FBH1: variants seen among roughly 807,000 people sequenced by gnomAD.
FBH1 encodes the protein DNA 3'-5' helicase 1.
FBH1 carries 43 observed loss-of-function variants against 115.5 expected under a neutral mutation model. That is an observed-to-expected ratio of 0.37 (90% CI 0.29 to 0.48). The LOEUF is 0.48. FBH1 is among the 20% of genes least tolerant of loss of function. The pLI, the probability that FBH1 is intolerant of heterozygous loss-of-function variation, is 0.99. For synonymous variants in FBH1, 524 were observed against 507.8 expected, an observed-to-expected ratio of 1.03 and a Z score of -0.43; for missense variants, 1,001 against 1,337.3, an observed-to-expected ratio of 0.75 and a Z score of 3.92.
At chr10:5,926,564 T>G (rs1171295622) in intron 18 of FBH1, among the ~76,000 whole-genome samples, 1 of 152,232 alleles carries the variant, frequency 6.6e-6, no homozygotes, top group African/African-American at 2.4e-5. Flanking sequence ...AACTGTGGAC[T>G]GGAAATTTGG....
intron 13 of FBH1, among the ~76,000 whole-genome samples, chr10:5,919,115 T>C (rs1410707673): frequency 1.3e-5 from 2 of 152,354 alleles, no homozygotes; most frequent in African/African-American, 4.8e-5. Context: ...AAATGGAACA[T>C]GGTGCCACTC....
At chr10:5,930,504 C>T (rs894194751) in intron 19 of FBH1, among the ~76,000 whole-genome samples, 11 of 152,186 alleles carry the variant, frequency 7.2e-5, no homozygotes, top group Non-Finnish European at 1.3e-4. Context: ...GGAAGTTAGC[C>T]GTAGAGGCTT....
At position 5,923,605 on chromosome 10, in the gene FBH1, C is replaced by T. The variant is rs768330002; in HGVS notation, c.2323-16C>T. 6.2e-7 allele frequency: 1 copy of T among 1,602,158 alleles called. No individual in the cohort carries two copies. On this transcript the variant is annotated splice_polypyrimidine_tract_variant and intron_variant, in intron 15 of 20. Transcript: ENST00000362091. The surrounding 1 kb of genome is among the most constrained non-coding windows in gnomAD (Gnocchi z 5.7). ...AACAACAAAAAAACAAAAATCCCAC[C>T]AAAAAACTTTTTCAGGGGATTAAAT...
chr10:5,922,186 G>T (rs550999800), intron 15 of FBH1, among the ~76,000 whole-genome samples: 1 of 152,308 alleles, frequency 6.6e-6, no homozygotes, highest in South Asian at 2.1e-4. Context: ...GAATATAGTA[G>T]TGAATCATAA....
rs1229331017 is a variant in FBH1, at chr10:5,913,743, G to T, written c.1212-4G>T. ...CTTTCTAAATCTACTTTTTTTTCTG[G>T]TAGGATTCACTACAACATTTTCTAT... is the stretch of plus-strand genomic sequence containing the variant. On this transcript the variant is annotated splice_region_variant and splice_polypyrimidine_tract_variant and intron_variant, in intron 6 of 20. Coordinates refer to ENST00000362091, the MANE Select transcript of FBH1 (RefSeq NM_178150.3). This position sits in a 1 kb window ranked among gnomAD's most constrained non-coding sequence, Gnocchi z 4.4. 6.5e-7 allele frequency: 1 copy of T among 1,537,202 alleles called. No individual in the cohort carries two copies. The highest frequency in any genetic ancestry group is 8.7e-7 in the Non-Finnish European group (1 of 1,150,974).
At chr10:5,916,488 T>A in intron 10 of FBH1, 32 bp downstream of exon 10, 1 of 1,599,474 alleles carries the variant, frequency 6.3e-7, no homozygotes, top group African/African-American at 1.4e-5. Flanking sequence ...GTGTTAGGGA[T>A]CTGAGGATGG....
chr10:5,917,569 C>A lies in FBH1; in HGVS notation c.1877-21C>A, dbSNP rs1476243591. On this transcript the variant is annotated intron_variant, in intron 11 of 20. Coordinates refer to ENST00000362091, the MANE Select transcript of FBH1 (RefSeq NM_178150.3). The surrounding 1 kb of genome is among the most constrained non-coding windows in gnomAD (Gnocchi z 5.6). ...GACTGCCTTCCTGGCGTTACAACTC[C>A]TGCGTCTCTCCTTATTTTAGGCTAC... 4 of 1,613,852 alleles carry A rather than the reference C, an allele frequency of 2.5e-6. No homozygotes were observed. In the African/African-American group the frequency reaches 5.3e-5, roughly 22 times the overall value.
Position 5,924,706 on chromosome 10 carries a change from T to C in FBH1, c.2596+198T>C. On this transcript the variant is annotated intron_variant, in intron 17 of 20. Coordinates refer to ENST00000362091, the MANE Select transcript of FBH1 (RefSeq NM_178150.3). The surrounding 1 kb of genome is among the most constrained non-coding windows in gnomAD (Gnocchi z 6.2). ...CCTCAGCCTCGTGAGTAGCTGGGAC[T>C]ACAGGCCCCACCACCAGCCCGGCTA... 1.6e-6 allele frequency: 1 copy of C among 639,670 alleles called. No individual in the cohort carries two copies. The highest frequency in any genetic ancestry group is 2.9e-6 in the Non-Finnish European group (1 of 350,418). 39.6% of individuals were successfully genotyped at this position (639,670 alleles called of 1,614,324 possible). A position where few individuals can be genotyped will look rare whatever the true frequency, so the allele number is the denominator to read the frequency against.
rs1309513943 is a variant in FBH1 at position 5,897,867 on chromosome 10, T to C, written c.2-5153T>C. Among the ~76,000 whole-genome samples, 6 of 151,752 alleles carry C rather than the reference T, an allele frequency of 4.0e-5. No individual in the cohort carries two copies. In the Admixed American group the frequency reaches 4.0e-4, roughly 10 times the overall value. On this transcript the variant is annotated intron_variant, in intron 1 of 20. Transcript: ENST00000362091. The surrounding 1 kb of genome is among the most constrained non-coding windows in gnomAD (Gnocchi z 4.7). Reference sequence around the variant, plus strand: ...TAATCTTCGCAACAAGCATTTTGGATTCAGACGTATTTTCTGAGATAAATA... The same window carrying C: ...TAATCTTCGCAACAAGCATTTTGGACTCAGACGTATTTTCTGAGATAAATA...
intron 9 of FBH1, 40 bp from the exon 10 acceptor site, chr10:5,916,194 A>G (rs1449307327): frequency 3.8e-6 from 6 of 1,572,068 alleles, no homozygotes; most frequent in Admixed American, 1.7e-5. Context: ...GCACCAAGCC[A>G]GGAGAGCCAC....
Position 5,918,763 on chromosome 10 carries a change from G to C in FBH1, c.2100+285G>C, listed in dbSNP as rs920669581. ...TAGAACAGTTGTTAGACCAGCGCTG[G>C]TTGTTCAGACTTGTGTATTTGGCAC... is the stretch of plus-strand genomic sequence containing the variant. On this transcript the variant is annotated intron_variant, in intron 13 of 20. Coordinates refer to ENST00000362091, the MANE Select transcript of FBH1 (RefSeq NM_178150.3). The surrounding 1 kb of genome is among the most constrained non-coding windows in gnomAD (Gnocchi z 4.0). 6.6e-6 allele frequency among the ~76,000 whole-genome samples: 1 copy of C among 152,330 alleles called. No homozygotes were observed. Among genetic ancestry groups the C allele is most frequent in the Non-Finnish European group, 1.5e-5 (1 of 68,028 alleles).
chr10:5,928,852 A>G (rs1331827182), intron 19 of FBH1, among the ~76,000 whole-genome samples: 1 of 152,208 alleles, frequency 6.6e-6, no homozygotes, highest in African/African-American at 2.4e-5. Context: ...TAAGTGTAAA[A>G]GTTAATATAA....
rs562493335 is a variant in FBH1, at chr10:5,917,299, C to A, written c.1789-121C>A. 2 of 761,408 alleles carry A rather than the reference C, an allele frequency of 2.6e-6. No individual in the cohort carries two copies. The highest frequency in any genetic ancestry group is 4.2e-5 in the Admixed American group (2 of 47,874). The allele number at this position is 761,408 out of a possible 1,614,324, so 47.2% of individuals were successfully genotyped here. ...ACCCAGGAGGTTAGGGTGGTGTCTG[C>A]GGTCCCCCTTCTGTGAGGATGCCCT... On this transcript the variant is annotated intron_variant, in intron 10 of 20. Coordinates refer to ENST00000362091, the MANE Select transcript of FBH1 (RefSeq NM_178150.3). This position sits in a 1 kb window ranked among gnomAD's most constrained non-coding sequence, Gnocchi z 5.6.
rs936202978 is a variant in FBH1 at position 5,914,062 on chromosome 10, CT to C, written c.1305-108del. ...CATGTTTATTCTCGTAAGGGGAGGC[CT>C]TTTTTTTGGTCAGCTTTTGTTTATC... is the stretch of plus-strand genomic sequence containing the variant. On this transcript the variant is annotated intron_variant, in intron 7 of 20. Transcript: ENST00000362091. This position sits in a 1 kb window ranked among gnomAD's most constrained non-coding sequence, Gnocchi z 5.2. The C allele has an allele frequency of 3.8e-4, 396 of 1,040,084 alleles. No homozygotes were observed. The highest frequency in any genetic ancestry group is 2.0e-3 in the Admixed American group (89 of 44,550). The allele number at this position is 1,040,084 out of a possible 1,614,324, so 64.4% of individuals were successfully genotyped here.
At chr10:5,930,017 T>C (rs1343297317) in intron 19 of FBH1, among the ~76,000 whole-genome samples, 2 of 152,180 alleles carry the variant, frequency 1.3e-5, no homozygotes, top group South Asian at 2.1e-4. Flanking sequence ...AGCAGTGATA[T>C]CATCTCACAA....
rs781327813 is a variant in FBH1, at chr10:5,921,500, C to T, written c.2253C>T (p.Asn751=). The change falls in exon 15 of 21, where the codon AAC becomes AAT. Residue 751 remains asparagine, a synonymous_variant. Coordinates refer to ENST00000362091, the MANE Select transcript of FBH1 (RefSeq NM_178150.3). The surrounding 1 kb of genome is among the most constrained non-coding windows in gnomAD (Gnocchi z 6.4). ...KGQVALLSRT[N]ANVFDEAVRV... ...AAGTGGCCTTGTTGTCCCGGACCAA[C>T]GCCAACGTGTTTGATGAGGCCGTAC... The T allele has an allele frequency of 4.5e-5, 72 of 1,600,208 alleles. No homozygotes were observed. In the Admixed American group the frequency reaches 8.2e-4, roughly 18 times the overall value.
rs1168460393 is a variant in FBH1, at chr10:5,906,187, T to A, written c.308T>A (p.Leu103Gln). ...MIFPAESSCALPQEGSAGPGS... is the reference protein window; with the variant it reads ...MIFPAESSCAQPQEGSAGPGS... ...TTTCCTGCAGAGAGCAGCTGTGCACTGCCTCAGGAAGGCAGTGCAGGGCCG... is the reference window on the plus strand; with the variant it reads ...TTTCCTGCAGAGAGCAGCTGTGCACAGCCTCAGGAAGGCAGTGCAGGGCCG... The change falls in exon 3 of 21, where the codon CTG becomes CAG. Residue 103 changes from leucine (L) to glutamine (Q), a missense_variant. Leu to Gln is a moderately radical substitution (Grantham distance 113). Transcript: ENST00000362091. The surrounding 1 kb of genome is among the most constrained non-coding windows in gnomAD (Gnocchi z 7.3). The A allele has an allele frequency of 1.2e-6, 2 of 1,601,552 alleles. No homozygotes were observed. The highest frequency in any genetic ancestry group is 8.5e-7 in the Non-Finnish European group (1 of 1,173,206).
At chr10:5,894,492 G>A in intron 1 of FBH1, 1 of 1,112,980 alleles carries the variant, frequency 9.0e-7, no homozygotes, top group Non-Finnish European at 1.4e-6. Context: ...CATCACTCAT[G>A]AGCTACGAGG....
rs1277239890 is a variant in FBH1 at position 5,900,474 on chromosome 10, T to C, written c.2-2546T>C. 6.6e-6 allele frequency among the ~76,000 whole-genome samples: 1 copy of C among 152,220 alleles called. No individual in the cohort carries two copies. Among genetic ancestry groups the C allele is most frequent in the Non-Finnish European group, 1.5e-5 (1 of 68,030 alleles). ...CTCGCCGGCTCACCACGCTGCGCTG[T>C]GCTGCTTCGTGAGAGTGAGCGCATC... On this transcript the variant is annotated intron_variant, in intron 1 of 20. Transcript: ENST00000362091. This position sits in a 1 kb window ranked among gnomAD's most constrained non-coding sequence, Gnocchi z 4.2.
Sources: allele counts gnomAD v4.1 joint callset (sites outside exome capture counted in the v4.1 genomes callset), GRCh38; gene constraint gnomAD v4.1.1; non-coding constraint Gnocchi (gnomAD v3.1); transcripts MANE v1.5; gene names NCBI Gene and HGNC (gene_info 2026-07-23, HGNC 2026-07-21).